The following XKR8 variants were observed in gnomAD, a reference collection of about 807,000 sequenced individuals.
XKR8 encodes XK related 8.
XKR8 carries 10 observed loss-of-function variants against 17.1 expected under a neutral mutation model. The ratio of observed to expected loss-of-function variants is 0.59; its 90% CI spans 0.36 to 0.99. The LOEUF is 0.99. Ranked by LOEUF, XKR8 falls within the 50% of genes least tolerant of loss-of-function variation. The probability of loss-of-function intolerance (pLI) is 0.01; values close to 1 mark genes in which losing one functional copy is unlikely to be tolerated. For synonymous variants in XKR8, 213 were observed against 251.9 expected, an observed-to-expected ratio of 0.85 and a Z score of 1.46; for missense variants, 411 against 515.6, an observed-to-expected ratio of 0.80 and a Z score of 1.96.
In XKR8 at chr1:27,966,171, G is replaced by C. The variant is rs1287619296; in HGVS notation, c.491-332G>C. 1.3e-5 allele frequency among the ~76,000 whole-genome samples: 2 copies of C among 152,168 alleles called. No individual in the cohort carries two copies. The highest frequency in any genetic ancestry group is 2.9e-5 in the Non-Finnish European group (2 of 68,002). ...CAGAAAGAAAGGGTTATGGGGCCCT[G>C]GAAGATGCCCAGGATGCAGCCAAGG... On this transcript the variant is annotated intron_variant, in intron 2 of 2. Transcript: ENST00000373884. The surrounding 1 kb of genome is among the most constrained non-coding windows in gnomAD (Gnocchi z 4.3).
chr1:27,967,779 C>G lies in XKR8; in HGVS notation c.*579C>G, dbSNP rs1571677958. 6.6e-6 allele frequency: 1 copy of G among 152,604 alleles called. No individual in the cohort carries two copies. The allele number at this position is 152,604 out of a possible 1,614,324, so 9.5% of individuals were successfully genotyped here. A position where few individuals can be genotyped will look rare whatever the true frequency, so the allele number is the denominator to read the frequency against. ...CATCCGCTACTTGCACCAACCAGTC[C>G]CGGGTTAGATCCCAAATGCTAGAAG... On this transcript the variant is annotated 3_prime_UTR_variant, in exon 3 of 3. Transcript: ENST00000373884. This position sits in a 1 kb window ranked among gnomAD's most constrained non-coding sequence, Gnocchi z 4.3.
At position 27,966,372 on chromosome 1, in the gene XKR8, T is replaced by G; in HGVS notation, c.491-131T>G. 3.6e-6 allele frequency: 3 copies of G among 825,848 alleles called. No individual in the cohort carries two copies. The highest frequency in any genetic ancestry group is 5.7e-6 in the Non-Finnish European group (3 of 528,060). The allele number at this position is 825,848 out of a possible 1,614,324, so 51.2% of individuals were successfully genotyped here. On this transcript the variant is annotated intron_variant, in intron 2 of 2. Coordinates refer to ENST00000373884, the MANE Select transcript of XKR8 (RefSeq NM_018053.4). The surrounding 1 kb of genome is among the most constrained non-coding windows in gnomAD (Gnocchi z 4.3). Reference sequence around the variant, plus strand: ...ACTGGGTCTTCTCTAGCTGCAGATTTGCCTTCAACAAACGAGGGATTCTAA... The same window carrying G: ...ACTGGGTCTTCTCTAGCTGCAGATTGGCCTTCAACAAACGAGGGATTCTAA...
chr1:27,967,430 G>A lies in XKR8; in HGVS notation c.*230G>A, dbSNP rs1571677609. 2.5e-5 allele frequency: 11 copies of A among 438,992 alleles called. No individual in the cohort carries two copies. In the East Asian group the frequency reaches 4.1e-4, roughly 16 times the overall value. The allele number at this position is 438,992 out of a possible 1,614,324, so 27.2% of individuals were successfully genotyped here. ...AAGATGAGAAGGGCTGGGCCCTGGA[G>A]GGTCAAGAGCCCCAATTATGTACAA... is the stretch of plus-strand genomic sequence containing the variant. On this transcript the variant is annotated 3_prime_UTR_variant, in exon 3 of 3. Transcript: ENST00000373884. This position sits in a 1 kb window ranked among gnomAD's most constrained non-coding sequence, Gnocchi z 4.3.
rs769695581 is a variant in XKR8, at chr1:27,966,759, A to T, written c.747A>T (p.Thr249=). ...VLLLWVWLQG[T]DFMPDPSSEW... Reference sequence around the variant, plus strand: ...TGCTCTGGGTCTGGCTTCAGGGCACAGACTTCATGCCGGACCCCAGCTCCG... The same window carrying T: ...TGCTCTGGGTCTGGCTTCAGGGCACTGACTTCATGCCGGACCCCAGCTCCG... Residue 249 remains threonine, a synonymous_variant, in exon 3 of 3, where the codon ACA becomes ACT. Coordinates refer to ENST00000373884, the MANE Select transcript of XKR8 (RefSeq NM_018053.4). The surrounding 1 kb of genome is among the most constrained non-coding windows in gnomAD (Gnocchi z 4.3). The T allele has an allele frequency of 6.2e-7, 1 of 1,614,044 alleles. No individual in the cohort carries two copies. Among genetic ancestry groups the T allele is most frequent in the South Asian group, 1.1e-5 (1 of 91,080 alleles).
chr1:27,961,546 C>T (rs746738985), intron 1 of XKR8, among the ~76,000 whole-genome samples: 1 of 152,198 alleles, frequency 6.6e-6, no homozygotes, highest in African/African-American at 2.4e-5. Context: ...GGGCAGGCCT[C>T]CATGAGCCGT....
chr1:27,963,413 G>A (rs1326326278), intron 1 of XKR8, 84 bp from the exon 2 acceptor site: 1 of 1,481,236 alleles, frequency 6.8e-7, no homozygotes, highest in Admixed American at 2.1e-5. Flanking sequence ...GTTGGAGCCT[G>A]TGTCCACTCA....
chr1:27,966,786 GTGGC>G lies in XKR8; in HGVS notation c.777_780del (p.Trp259CysfsTer4), dbSNP rs1638581524. 2.5e-6 allele frequency: 4 copies of G among 1,613,768 alleles called. No homozygotes were observed. Among genetic ancestry groups the G allele is most frequent in the Non-Finnish European group, 2.5e-6 (3 of 1,179,930 alleles). On this transcript the variant is annotated frameshift_variant, in exon 3 of 3. Coordinates refer to ENST00000373884, the MANE Select transcript of XKR8 (RefSeq NM_018053.4). LOFTEE classifies it low-confidence loss of function (END_TRUNC). The surrounding 1 kb of genome is among the most constrained non-coding windows in gnomAD (Gnocchi z 4.3). ...ACTTCATGCCGGACCCCAGCTCCGA[GTGGC>G]TGTACCGGGTGACGGTGGCCACCAT...
In XKR8 at chr1:27,963,053, C is replaced by T. The variant is rs145139133; in HGVS notation, c.294-444C>T. 7.0e-3 allele frequency among the ~76,000 whole-genome samples: 1,057 copies of T among 151,764 alleles called. 6 individuals are homozygous for T. Among genetic ancestry groups the T allele is most frequent in the Non-Finnish European group, 0.011 (739 of 67,908 alleles). On this transcript the variant is annotated intron_variant, in intron 1 of 2. Coordinates refer to ENST00000373884, the MANE Select transcript of XKR8 (RefSeq NM_018053.4). ...TTTTTTGTTTTTTTTGAGACGGAGT[C>T]TTGTTCTGTCGCCAGGCTGGAGTGC...
chr1:27,963,715 G>T lies in XKR8; in HGVS notation c.490+22G>T, dbSNP rs756753960. The T allele has an allele frequency of 4.0e-6, 6 of 1,513,380 alleles. No homozygotes were observed. In the South Asian group the frequency reaches 5.0e-5, roughly 13 times the overall value. 93.7% of individuals were successfully genotyped at this position (1,513,380 alleles called of 1,614,324 possible). A position where few individuals can be genotyped will look rare whatever the true frequency, so the allele number is the denominator to read the frequency against. ...CAGTGTGAGTGAAGGCCTGTGGCTG[G>T]CCCCCCTGTCGTGGCTTGGTGGGGG... On this transcript the variant is annotated intron_variant, in intron 2 of 2. Transcript: ENST00000373884.
rs1442985297 is a variant in XKR8 at position 27,961,362 on chromosome 1, A to C, written c.293+1000A>C. Among the ~76,000 whole-genome samples, 3 of 152,216 alleles carry C rather than the reference A, an allele frequency of 2.0e-5. No individual in the cohort carries two copies. In the East Asian group the frequency reaches 5.8e-4, roughly 29 times the overall value. On this transcript the variant is annotated intron_variant, in intron 1 of 2. Transcript: ENST00000373884. ...GGGTTGGGATGGGGTGGCCAGGGCC[A>C]GGATCTGCTCTTGAATCCGTTTTTA...
chr1:27,963,360 A>G, intron 1 of XKR8, 137 bp from the exon 2 acceptor site: 1 of 1,026,740 alleles, frequency 9.7e-7, no homozygotes, highest in East Asian at 2.6e-5. Flanking sequence ...CAGTGAGGTT[A>G]GGACATTGCC....
rs766688595 is a variant in XKR8 at position 27,960,214 on chromosome 1, G to C, written c.145G>C (p.Val49Leu). The C allele has an allele frequency of 4.6e-6, 7 of 1,526,790 alleles. No individual in the cohort carries two copies. The highest frequency in any genetic ancestry group is 6.1e-6 in the Non-Finnish European group (7 of 1,143,868). The allele number at this position is 1,526,790 out of a possible 1,614,324, so 94.6% of individuals were successfully genotyped here. ...CGGCCGCTACCTGTGGGCGGCGCTG[G>C]TGCTGGCGCTGCTGGGCCTGGCCTC... ...LGGRYLWAAL[V>L]LALLGLASVA... Residue 49 changes from valine to leucine, a missense_variant, in exon 1 of 3, where the codon GTG becomes CTG. Transcript: ENST00000373884. This position sits in a 1 kb window ranked among gnomAD's most constrained non-coding sequence, Gnocchi z 5.9.
chr1:27,966,703 C>T lies in XKR8; in HGVS notation c.691C>T (p.Leu231=). ...AGCCCTCTTCCCCAGCTATGTGGCC[C>T]TGCACTTCCTGGGCCTGTGGCTGGT... ...FSALFPSYVA[L]HFLGLWLVLL... Residue 231 remains leucine, a synonymous_variant, in exon 3 of 3, where the codon CTG becomes TTG. Coordinates refer to ENST00000373884, the MANE Select transcript of XKR8 (RefSeq NM_018053.4). The surrounding 1 kb of genome is among the most constrained non-coding windows in gnomAD (Gnocchi z 4.3). 6.2e-7 allele frequency: 1 copy of T among 1,614,162 alleles called. No individual in the cohort carries two copies. Among genetic ancestry groups the T allele is most frequent in the Non-Finnish European group, 8.5e-7 (1 of 1,180,024 alleles).
At position 27,960,930 on chromosome 1, in the gene XKR8, G is replaced by A. The variant is rs797012313; in HGVS notation, c.293+568G>A. On this transcript the variant is annotated intron_variant, in intron 1 of 2. Coordinates refer to ENST00000373884, the MANE Select transcript of XKR8 (RefSeq NM_018053.4). The surrounding 1 kb of genome is among the most constrained non-coding windows in gnomAD (Gnocchi z 5.9). Reference sequence around the variant, plus strand: ...CTGTTCCCATTGGGATGGGGATAGCGCCTGCCCGTTTGGTGAAGATGCAGT... The same window carrying A: ...CTGTTCCCATTGGGATGGGGATAGCACCTGCCCGTTTGGTGAAGATGCAGT... Among the ~76,000 whole-genome samples, 32 of 152,308 alleles carry A rather than the reference G, an allele frequency of 2.1e-4. No homozygotes were observed. Among genetic ancestry groups the A allele is most frequent in the African/African-American group, 7.7e-4 (32 of 41,578 alleles).
At chr1:27,964,263 T>C (rs1638527467) in intron 2 of XKR8, 1 of 150,222 alleles carries the variant, frequency 6.7e-6, no homozygotes, top group Admixed American at 6.7e-5. Context: ...CCTCCTAAGG[T>C]GCTGGGATTA....
chr1:27,963,086 C>G (rs1217502141), intron 1 of XKR8, among the ~76,000 whole-genome samples: 1 of 152,036 alleles, frequency 6.6e-6, no homozygotes, highest in African/African-American at 2.4e-5. Context: ...TGCAGTGGCA[C>G]GATCTCGGCT....
At position 27,960,044 on chromosome 1, in the gene XKR8, C is replaced by T; in HGVS notation, c.-26C>T. 1 of 1,399,720 alleles carries T rather than the reference C, an allele frequency of 7.1e-7. No homozygotes were observed. The highest frequency in any genetic ancestry group is 1.5e-5 in the African/African-American group (1 of 66,160). 86.7% of individuals were successfully genotyped at this position (1,399,720 alleles called of 1,614,324 possible). The stretch of plus-strand genomic sequence containing the variant: ...AGGGCAGGCCCCAACCGCGGAGGAG[C>T]AGGAGAGGGCGGAGGCCGGCGGGCC... On this transcript the variant is annotated 5_prime_UTR_variant, in exon 1 of 3. Transcript: ENST00000373884. This position sits in a 1 kb window ranked among gnomAD's most constrained non-coding sequence, Gnocchi z 5.9.
chr1:27,966,454 G>A lies in XKR8; in HGVS notation c.491-49G>A. 1 of 1,555,544 alleles carries A rather than the reference G, an allele frequency of 6.4e-7. No homozygotes were observed. The highest frequency in any genetic ancestry group is 8.7e-7 in the Non-Finnish European group (1 of 1,143,856). On this transcript the variant is annotated intron_variant, in intron 2 of 2. Coordinates refer to ENST00000373884, the MANE Select transcript of XKR8 (RefSeq NM_018053.4). The surrounding 1 kb of genome is among the most constrained non-coding windows in gnomAD (Gnocchi z 4.3). The stretch of plus-strand genomic sequence containing the variant: ...ACGGTACCTGTGACCGCTGGGGAGT[G>A]CCAAGCAGGCTGGCCCCAGGACTCA...
Position 27,966,243 on chromosome 1 carries a change from T to C in XKR8, c.491-260T>C, listed in dbSNP as rs1271918284. On this transcript the variant is annotated intron_variant, in intron 2 of 2. Coordinates refer to ENST00000373884, the MANE Select transcript of XKR8 (RefSeq NM_018053.4). This position sits in a 1 kb window ranked among gnomAD's most constrained non-coding sequence, Gnocchi z 4.3. ...GTGGGCCACAGGTCACATCCTCTCA[T>C]CTTTGACAAATACCACCCGGATAGC... is the stretch of plus-strand genomic sequence containing the variant. 6.6e-6 allele frequency among the ~76,000 whole-genome samples: 1 copy of C among 152,102 alleles called. No homozygotes were observed. Among genetic ancestry groups the C allele is most frequent in the East Asian group, 1.9e-4 (1 of 5,190 alleles).
Sources: allele counts gnomAD v4.1 joint callset (sites outside exome capture counted in the v4.1 genomes callset), GRCh38; gene constraint gnomAD v4.1.1; non-coding constraint Gnocchi (gnomAD v3.1); transcripts MANE v1.5; gene names NCBI Gene and HGNC (gene_info 2026-07-23, HGNC 2026-07-21).